Variants in EXOC4 observed in about 807,000 individuals in gnomAD.
The protein encoded by EXOC4 is exocyst complex component 4, also known as SEC8-like 1.
EXOC4 carries 71 observed loss-of-function variants against 107.2 expected under a neutral mutation model. That is an observed-to-expected ratio of 0.66 (90% CI 0.55 to 0.81). EXOC4 has a LOEUF of 0.81. Among genes scored for constraint, EXOC4 ranks in the 30% least tolerant of loss-of-function variants. The pLI is 0.00. For synonymous variants in EXOC4, 456 were observed against 441.2 expected, an observed-to-expected ratio of 1.03 and a Z score of -0.42; for missense variants, 1,108 against 1,189.6, an observed-to-expected ratio of 0.93 and a Z score of 1.01.
chr7:133,611,939 A>G (rs1382016202), intron 9 of EXOC4, among the ~76,000 whole-genome samples: 1 of 152,128 alleles, frequency 6.6e-6, no homozygotes, highest in Non-Finnish European at 1.5e-5. Context: ...AAATAATCTC[A>G]TTTACAATAT....
At chr7:133,398,171 C>T (rs1304689904) in intron 7 of EXOC4, among the ~76,000 whole-genome samples, 2 of 152,128 alleles carry the variant, frequency 1.3e-5, no homozygotes, top group East Asian at 1.9e-4. Flanking sequence ...GCACCTATAC[C>T]TAGAATAAGG....
intron 9 of EXOC4, among the ~76,000 whole-genome samples, chr7:133,498,314 G>C (rs943429841): frequency 6.6e-6 from 1 of 152,154 alleles, no homozygotes; most frequent in Non-Finnish European, 1.5e-5. Context: ...GGCTGGGCAC[G>C]GTGGCTCACG....
At position 134,043,337 on chromosome 7, in the gene EXOC4, G is replaced by A. The variant is rs184108868; in HGVS notation, c.2688-20954G>A. Reference sequence around the variant, plus strand: ...ACCCTGGCTGCATTTGGTAGGGGTGGGATTTTTTCCCCCAAGCAACTATTA... The same window carrying A: ...ACCCTGGCTGCATTTGGTAGGGGTGAGATTTTTTCCCCCAAGCAACTATTA... On this transcript the variant is annotated intron_variant, in intron 17 of 17. Transcript: ENST00000253861. Among the ~76,000 whole-genome samples, 591 of 152,060 alleles carry A rather than the reference G, an allele frequency of 3.9e-3. 1 individual carries two copies. Among genetic ancestry groups the A allele is most frequent in the Middle Eastern group, 6.8e-3 (2 of 292 alleles).
At chr7:133,870,798 C>T (rs1378361539) in intron 11 of EXOC4, among the ~76,000 whole-genome samples, 4 of 152,216 alleles carry the variant, frequency 2.6e-5, no homozygotes, top group South Asian at 2.1e-4. Flanking sequence ...TGACCTCTTT[C>T]GCCATTCTTC....
chr7:133,422,836 A>G (rs1797635819), intron 7 of EXOC4, among the ~76,000 whole-genome samples: 1 of 152,246 alleles, frequency 6.6e-6, no homozygotes, highest in Non-Finnish European at 1.5e-5. Context: ...GTTTTATCTT[A>G]CTACAGAAAT....
At chr7:133,887,188 T>C (rs1200424421) in intron 11 of EXOC4, among the ~76,000 whole-genome samples, 1 of 152,204 alleles carries the variant, frequency 6.6e-6, no homozygotes, top group East Asian at 1.9e-4. Flanking sequence ...ATCAGCACAA[T>C]TCTCGTCAGC....
At chr7:133,254,305 G>GAAAAA (rs1794963174) in intron 1 of EXOC4, among the ~76,000 whole-genome samples, 1 of 152,180 alleles carries the variant, frequency 6.6e-6, no homozygotes, top group African/African-American at 2.4e-5. Flanking sequence ...GGGCTTAAGA[G>GAAAAA]AAAAACATCT....
At chr7:133,963,323 A>T (rs1249831481) in intron 14 of EXOC4, among the ~76,000 whole-genome samples, 2 of 152,254 alleles carry the variant, frequency 1.3e-5, no homozygotes, top group African/African-American at 2.4e-5. Context: ...GTTGTAGAGT[A>T]CATTTTAGGG....
At chr7:133,717,916 G>T (rs991920489) in intron 10 of EXOC4, among the ~76,000 whole-genome samples, 5 of 152,162 alleles carry the variant, frequency 3.3e-5, no homozygotes, top group Admixed American at 1.3e-4. Context: ...AGAGGCTAAA[G>T]AACTCCTTTT....
At chr7:133,822,824 G>A (rs540066216) in intron 11 of EXOC4, among the ~76,000 whole-genome samples, 23 of 152,302 alleles carry the variant, frequency 1.5e-4, no homozygotes, top group Middle Eastern at 3.4e-3. Context: ...GATACCCAGC[G>A]TGAAGTTAGG....
At chr7:133,800,443 T>C (rs1796914849) in intron 10 of EXOC4, among the ~76,000 whole-genome samples, 1 of 152,174 alleles carries the variant, frequency 6.6e-6, no homozygotes, top group Non-Finnish European at 1.5e-5. Context: ...ATAATCATTT[T>C]GGTTCATTTA....
At chr7:133,992,790 T>C (rs1308876562) in intron 14 of EXOC4, among the ~76,000 whole-genome samples, 1 of 150,476 alleles carries the variant, frequency 6.6e-6, no homozygotes, top group Non-Finnish European at 1.5e-5. Context: ...CAGTACTATG[T>C]TGAATAAAAG....
At position 133,275,265 on chromosome 7, in the gene EXOC4, T is replaced by C; in HGVS notation, c.276+94T>C. 4 of 1,028,812 alleles carry C rather than the reference T, an allele frequency of 3.9e-6. No individual in the cohort carries two copies. In the South Asian group the frequency reaches 9.6e-5, roughly 25 times the overall value. The allele number at this position is 1,028,812 out of a possible 1,614,324, so 63.7% of individuals were successfully genotyped here. On this transcript the variant is annotated intron_variant, in intron 2 of 17. Transcript: ENST00000253861. ...AGCCATGGTAGTGGCTAATGGTCCT[T>C]AACAAAGTGATTCAAAATGCCACTT...
At chr7:133,546,323 C>G (rs971743493) in intron 9 of EXOC4, among the ~76,000 whole-genome samples, 2 of 139,372 alleles carry the variant, frequency 1.4e-5, no homozygotes, top group East Asian at 4.4e-4. Flanking sequence ...GTGGCACGAT[C>G]TTGGTCACTG....
In EXOC4 at chr7:134,007,774, G is replaced by A. The variant is rs1346727019; in HGVS notation, c.2626G>A (p.Val876Ile). ...CAAGAAAATGTGTAGGAACATTTTT[G>A]TTCTTCAGCAGAATTTGACCAACAT... is the stretch of plus-strand genomic sequence containing the variant. ...GIKKMCRNIF[V>I]LQQNLTNITM... Residue 876 changes from valine to isoleucine, a missense_variant, in exon 17 of 18, where the codon GTT becomes ATT. Transcript: ENST00000253861. The A allele has an allele frequency of 6.2e-7, 1 of 1,613,566 alleles. No individual in the cohort carries two copies. The highest frequency in any genetic ancestry group is 1.7e-4 in the Middle Eastern group (1 of 6,058).
At chr7:134,023,620 C>T (rs560006954) in intron 17 of EXOC4, among the ~76,000 whole-genome samples, 49 of 152,268 alleles carry the variant, frequency 3.2e-4, no homozygotes, top group African/African-American at 1.1e-3. Flanking sequence ...GGGTTCTACA[C>T]TGTGGTAAAT....
At chr7:133,955,032 C>G (rs1800781766) in intron 14 of EXOC4, among the ~76,000 whole-genome samples, 1 of 152,248 alleles carries the variant, frequency 6.6e-6, no homozygotes, top group South Asian at 2.1e-4. Context: ...GCTCCTACAT[C>G]TGGGCTTCCC....
At chr7:133,611,726 C>T (rs1358127199) in intron 9 of EXOC4, among the ~76,000 whole-genome samples, 1 of 152,106 alleles carries the variant, frequency 6.6e-6, no homozygotes, top group Non-Finnish European at 1.5e-5. Context: ...CTCTGTGTGT[C>T]ATTTCCATGA....
chr7:133,324,760 AT>A, intron 5 of EXOC4, among the ~76,000 whole-genome samples: 1 of 152,248 alleles, frequency 6.6e-6, no homozygotes, highest in African/African-American at 2.4e-5. Flanking sequence ...ATTCCTGTAT[AT>A]CCTTGTTAAC....
Sources: gnomAD v4.1 joint callset for allele counts (sites outside exome capture counted in the v4.1 genomes callset) on GRCh38, gnomAD v4.1.1 for gene constraint, MANE v1.5 for transcripts, NCBI Gene and HGNC (gene_info 2026-07-23, HGNC 2026-07-21) for gene names.